SLC36A2: variants seen among roughly 807,000 people sequenced by gnomAD.
SLC36A2 encodes solute carrier family 36 member 2.
SLC36A2 carries 39 observed loss-of-function variants against 42.7 expected under a neutral mutation model. The ratio of observed to expected loss-of-function variants is 0.91; its 90% CI spans 0.71 to 1.19. SLC36A2 has a LOEUF of 1.19. SLC36A2 is among the 50% of genes most tolerant of loss of function. SLC36A2 has a pLI of 0.00. For missense variants in SLC36A2, 590 were observed against 613.7 expected (o/e 0.96, Z 0.41); for synonymous variants, 237 against 240.8 (o/e 0.98, Z 0.15).
chr5:151,326,005 G>A (rs995139334), intron 7 of SLC36A2, among the ~76,000 whole-genome samples: 4 of 152,128 alleles, frequency 2.6e-5, no homozygotes, highest in South Asian at 2.1e-4. Context: ...GTTAAGATGA[G>A]TAAATTTTAT....
intron 1 of SLC36A2, among the ~76,000 whole-genome samples, chr5:151,344,903 C>T (rs751855333): frequency 1.3e-5 from 2 of 152,040 alleles, no homozygotes; most frequent in East Asian, 1.9e-4. Flanking sequence ...ATAAACAGGT[C>T]GGATGACTGG....
chr5:151,317,848 G>A (rs956689993), intron 9 of SLC36A2, among the ~76,000 whole-genome samples: 1 of 152,146 alleles, frequency 6.6e-6, no homozygotes, highest in Non-Finnish European at 1.5e-5. Flanking sequence ...CTGACAATAG[G>A]TAAGATTAAC....
At chr5:151,325,120 A>G (rs1253982027) in intron 8 of SLC36A2, 166 bp downstream of exon 8, 5 of 798,142 alleles carry the variant, frequency 6.3e-6, no homozygotes, top group Non-Finnish European at 1.0e-5. Context: ...TGAAGGAGGA[A>G]CTCCCAGGAC....
Position 151,335,520 on chromosome 5 carries a change from T to C in SLC36A2, c.553A>G (p.Asn185Asp). The C allele has an allele frequency of 6.2e-7, 1 of 1,613,972 alleles. No homozygotes were observed. Among genetic ancestry groups the C allele is most frequent in the Non-Finnish European group, 8.5e-7 (1 of 1,179,934 alleles). ...QVVEAVNSTT[N>D]NCYSNETVIL... ...ACCGTCTCATTGGAATAGCAGTTGT[T>C]GGTTGTGCTATTAACAGCTTCCACT... The change falls in exon 6 of 10, where the codon AAC becomes GAC. Residue 185 changes from asparagine (N) to aspartate (D), a missense_variant. Coordinates refer to ENST00000335244, the MANE Select transcript of SLC36A2 (RefSeq NM_181776.3).
intron 4 of SLC36A2, among the ~76,000 whole-genome samples, chr5:151,339,475 T>C (rs1261900122): frequency 6.6e-6 from 1 of 152,170 alleles, no homozygotes; most frequent in African/African-American, 2.4e-5. Flanking sequence ...CACGCCTGGC[T>C]AATTTTGTAT....
intron 9 of SLC36A2, chr5:151,319,123 G>T: frequency 1.0e-6 from 1 of 970,514 alleles, no homozygotes; most frequent in Non-Finnish European, 1.2e-6. Context: ...TTCTGCATAG[G>T]ACATAAAAGT....
At chr5:151,327,978 A>C (rs927810352) in intron 7 of SLC36A2, among the ~76,000 whole-genome samples, 2 of 152,214 alleles carry the variant, frequency 1.3e-5, no homozygotes, top group African/African-American at 4.8e-5. Context: ...AATTTCAACT[A>C]ATACTAAGAA....
intron 9 of SLC36A2, among the ~76,000 whole-genome samples, chr5:151,321,341 CTTTCTTTT>C (rs1241995167): frequency 8.5e-5 from 8 of 94,564 alleles, no homozygotes; most frequent in South Asian, 4.9e-4. Context: ...ATTTTCTTTT[CTTTCTTTT>C]TTTTTTTTTT....
intron 8 of SLC36A2, among the ~76,000 whole-genome samples, chr5:151,322,853 TTCTA>T (rs1417631698): frequency 1.3e-5 from 2 of 152,112 alleles, no homozygotes; most frequent in African/African-American, 4.8e-5. Context: ...GGATATTGAG[TTCTA>T]TCTAAGTTTT....
At chr5:151,318,673 G>A (rs898453055) in intron 9 of SLC36A2, among the ~76,000 whole-genome samples, 2 of 149,008 alleles carry the variant, frequency 1.3e-5, no homozygotes, top group Non-Finnish European at 3.0e-5. Flanking sequence ...ATTAACATGA[G>A]TATAAGAACC....
chr5:151,334,529 A>G (rs1488124449), intron 6 of SLC36A2, among the ~76,000 whole-genome samples: 2 of 152,068 alleles, frequency 1.3e-5, no homozygotes, highest in Non-Finnish European at 2.9e-5. Flanking sequence ...CGTCTCTACT[A>G]AAAATACAAA....
Position 151,325,380 on chromosome 5 carries a change from C to T in SLC36A2, c.916G>A (p.Val306Ile), listed in dbSNP as rs573586020. ...PAILSLGMSI[V>I]TSLYIGMAAL... ...GCCATGCCAATGTATAGGGAAGTGA[C>T]GATGGACATTCCCAAAGACAGGATG... The change falls in exon 8 of 10, where the codon GTC (valine) becomes ATC (isoleucine). Residue 306 changes from valine (V) to isoleucine (I), a missense_variant. By Grantham distance (29) the Val-to-Ile change is conservative. Transcript: ENST00000335244. The T allele has an allele frequency of 1.8e-5, 29 of 1,614,130 alleles. No homozygotes were observed. Among genetic ancestry groups the T allele is most frequent in the South Asian group, 3.3e-5 (3 of 91,080 alleles).
Position 151,333,243 on chromosome 5 carries a change from G to GA in SLC36A2, c.823dup (p.Ser275PhefsTer3), listed in dbSNP as rs1166980585. 1.4e-5 allele frequency: 22 copies of GA among 1,613,886 alleles called. No individual in the cohort carries two copies. Among genetic ancestry groups the GA allele is most frequent in the East Asian group, 4.5e-5 (2 of 44,872 alleles). On this transcript the variant is annotated frameshift_variant, in exon 7 of 10. Transcript: ENST00000335244. LOFTEE classifies it high-confidence loss of function. ...CCTTACCACACCAATGCTTTCAAAA[G>GA]AAAAAATGGCTGTTCCGAAGAAGAG...
intron 5 of SLC36A2, among the ~76,000 whole-genome samples, chr5:151,337,371 A>G (rs1427481934): frequency 6.6e-6 from 1 of 152,126 alleles, no homozygotes; most frequent in Non-Finnish European, 1.5e-5. Flanking sequence ...TCTGCAATGT[A>G]GTTTGCACCC....
chr5:151,327,775 A>G (rs752947710), intron 7 of SLC36A2, among the ~76,000 whole-genome samples: 68 of 151,944 alleles, frequency 4.5e-4, no homozygotes, highest in African/African-American at 1.2e-3. Context: ...TCTCTCCACA[A>G]TCAGTCAGTC....
At chr5:151,340,116 AGAG>A (rs33954122) in intron 4 of SLC36A2, among the ~76,000 whole-genome samples, 28,126 of 145,578 alleles carry the variant, frequency 0.19, 7,286 homozygotes, top group African/African-American at 0.6. Flanking sequence ...AGGAGGAAGA[AGAG>A]GAGGAGAAGG....
chr5:151,324,137 ATTGTT>A (rs1392579384), intron 8 of SLC36A2, among the ~76,000 whole-genome samples: 1 of 151,666 alleles, frequency 6.6e-6, no homozygotes, highest in Non-Finnish European at 1.5e-5. Context: ...GTCTTCCCAA[ATTGTT>A]TTGTTTGTTT....
Position 151,316,493 on chromosome 5 carries a change from C to A in SLC36A2, c.*324G>T. On this transcript the variant is annotated 3_prime_UTR_variant, in exon 10 of 10. Transcript: ENST00000335244. ...AGGTGGCTCACGCCTGTGATCCCAG[C>A]ATTTTGGGAGGCCGGGGTGGGTGGA... 1 of 311,030 alleles carries A rather than the reference C, an allele frequency of 3.2e-6. No homozygotes were observed. The highest frequency in any genetic ancestry group is 3.4e-5 in the South Asian group (1 of 29,322). 19.3% of individuals were successfully genotyped at this position (311,030 alleles called of 1,614,324 possible). A position where few individuals can be genotyped will look rare whatever the true frequency, so the allele number is the denominator to read the frequency against.
chr5:151,346,881 G>A (rs1756510696), intron 1 of SLC36A2, among the ~76,000 whole-genome samples: 1 of 152,180 alleles, frequency 6.6e-6, no homozygotes, highest in Non-Finnish European at 1.5e-5. Context: ...AATACTTAGT[G>A]GTCAGTGAGG....
Sources: allele counts gnomAD v4.1 joint callset (sites outside exome capture counted in the v4.1 genomes callset), GRCh38; gene constraint gnomAD v4.1.1; transcripts MANE v1.5; gene names NCBI Gene and HGNC (gene_info 2026-07-23, HGNC 2026-07-21).